SH2D4B: variants seen among roughly 807,000 people sequenced by gnomAD.
SH2D4B encodes the protein SH2 domain containing 4B, also known as SH2 domain-containing protein 4B.
A neutral mutation model predicts 61.5 loss-of-function variants in SH2D4B; 45 were observed. That is an observed-to-expected ratio of 0.73 (90% CI 0.58 to 0.94). The LOEUF is 0.94. Among genes scored for constraint, SH2D4B ranks in the 40% least tolerant of loss-of-function variants. SH2D4B has a pLI of 0.00. For missense variants in SH2D4B, 572 were observed against 574.2 expected (o/e 1.00, Z 0.04); for synonymous variants, 224 against 220.4 (o/e 1.02, Z -0.14).
intron 4 of SH2D4B, among the ~76,000 whole-genome samples, chr10:80,599,812 T>G (rs1842430235): frequency 6.6e-6 from 1 of 152,198 alleles, no homozygotes; most frequent in Non-Finnish European, 1.5e-5. Context: ...ACAAAAGGCC[T>G]GTGTGATACC....
At chr10:80,604,108 C>G (rs1175988060) in intron 5 of SH2D4B, among the ~76,000 whole-genome samples, 1 of 152,184 alleles carries the variant, frequency 6.6e-6, no homozygotes, top group African/African-American at 2.4e-5. Flanking sequence ...TGTTTGCATA[C>G]AATTTGAGAC....
At chr10:80,578,954 A>G (rs1310095117) in intron 3 of SH2D4B, among the ~76,000 whole-genome samples, 3 of 152,226 alleles carry the variant, frequency 2.0e-5, no homozygotes, top group African/African-American at 7.2e-5. Context: ...GAGCAAAGAC[A>G]TCCAAGTCCC....
intron 3 of SH2D4B, among the ~76,000 whole-genome samples, chr10:80,572,073 G>A (rs1408459731): frequency 6.6e-6 from 1 of 151,906 alleles, no homozygotes; most frequent in Non-Finnish European, 1.5e-5. Context: ...CGCCCGGCCG[G>A]GCCAATCCAC....
intron 4 of SH2D4B, among the ~76,000 whole-genome samples, 171 bp downstream of exon 4, chr10:80,588,948 C>G (rs1842293546): frequency 6.6e-6 from 1 of 152,122 alleles, no homozygotes; most frequent in African/African-American, 2.4e-5. Context: ...GTAAGTTAGG[C>G]TTCATCCTTG....
rs546220404 is a variant in SH2D4B, at chr10:80,594,298, T to A, written c.643+5521T>A. Among the ~76,000 whole-genome samples the A allele has an allele frequency of 2.6e-5, 4 of 152,350 alleles. No homozygotes were observed. The South Asian group carries it at 6.2e-4, about 24-fold the overall frequency. Reference sequence around the variant, plus strand: ...ACGTGGTGCATTCCATGGCTGAGTTTCATATACTGAGCTAGTCTCACATTC... The same window carrying A: ...ACGTGGTGCATTCCATGGCTGAGTTACATATACTGAGCTAGTCTCACATTC... On this transcript the variant is annotated intron_variant, in intron 4 of 7. Coordinates refer to ENST00000646907, the MANE Select transcript of SH2D4B (RefSeq NM_001388272.1).
intron 6 of SH2D4B, among the ~76,000 whole-genome samples, chr10:80,622,816 T>C (rs879938976): frequency 2.0e-5 from 3 of 152,254 alleles, no homozygotes; most frequent in African/African-American, 4.8e-5. Flanking sequence ...ATGAAGGTCT[T>C]GTGTTAGTGG....
At position 80,565,865 on chromosome 10, in the gene SH2D4B, C is replaced by T. The variant is rs367656326; in HGVS notation, c.185-4289C>T. On this transcript the variant is annotated intron_variant, in intron 1 of 7. Transcript: ENST00000646907. The stretch of plus-strand genomic sequence containing the variant: ...CAGCACTTTGGGAGGCCGAGGCGGG[C>T]GGATCACGAGGTCAGGAGATCAAGA... Among the ~76,000 whole-genome samples the T allele has an allele frequency of 1.3e-3, 201 of 151,764 alleles. 1 individual carries two copies. In the East Asian group the frequency reaches 0.029, roughly 22 times the overall value.
At chr10:80,575,442 A>C (rs1842113727) in intron 3 of SH2D4B, among the ~76,000 whole-genome samples, 1 of 152,060 alleles carries the variant, frequency 6.6e-6, no homozygotes, top group African/African-American at 2.4e-5. Flanking sequence ...CTGTAGCACA[A>C]TAGCAGCTAC....
chr10:80,586,893 G>A (rs1842258728), intron 3 of SH2D4B, among the ~76,000 whole-genome samples: 1 of 151,992 alleles, frequency 6.6e-6, no homozygotes, highest in Admixed American at 6.6e-5. Flanking sequence ...CGGGAGGAAC[G>A]AGCAACTCCA....
chr10:80,555,024 A>G (rs1841812648), intron 1 of SH2D4B, among the ~76,000 whole-genome samples: 1 of 151,644 alleles, frequency 6.6e-6, no homozygotes, highest in Admixed American at 6.6e-5. Flanking sequence ...AAAAAAAAAA[A>G]AAATCCATGA....
chr10:80,599,499 CT>C (rs751259637), intron 4 of SH2D4B, among the ~76,000 whole-genome samples: 1 of 152,146 alleles, frequency 6.6e-6, no homozygotes, highest in Non-Finnish European at 1.5e-5. Flanking sequence ...TCCCTGGGGG[CT>C]TTATGGTTCC....
chr10:80,628,173 G>A (rs1842784626), intron 6 of SH2D4B, among the ~76,000 whole-genome samples: 1 of 152,154 alleles, frequency 6.6e-6, no homozygotes, highest in African/African-American at 2.4e-5. Flanking sequence ...CAATCCAGGG[G>A]GAGAGAGAGA....
At chr10:80,550,364 T>C (rs1841742209) in intron 1 of SH2D4B, among the ~76,000 whole-genome samples, 1 of 151,954 alleles carries the variant, frequency 6.6e-6, no homozygotes, top group Non-Finnish European at 1.5e-5. Flanking sequence ...GAGGCTGAGG[T>C]GGGCGGATCA....
intron 4 of SH2D4B, among the ~76,000 whole-genome samples, chr10:80,593,072 C>T (rs1227879565): frequency 6.6e-6 from 1 of 152,082 alleles, no homozygotes; most frequent in Non-Finnish European, 1.5e-5. Context: ...TTTCTTATGC[C>T]AGTATGACAT....
rs544985019 is a variant in SH2D4B, at chr10:80,540,336, C to T, written c.184+1821C>T. On this transcript the variant is annotated intron_variant, in intron 1 of 7. Coordinates refer to ENST00000646907, the MANE Select transcript of SH2D4B (RefSeq NM_001388272.1). Reference sequence around the variant, plus strand: ...CTGGGGGCTGGCCCTGCCCAGGAGCCGGAAGAGCTTTCGGCCGGAGGGTCC... The same window carrying T: ...CTGGGGGCTGGCCCTGCCCAGGAGCTGGAAGAGCTTTCGGCCGGAGGGTCC... Among the ~76,000 whole-genome samples the T allele has an allele frequency of 7.9e-5, 12 of 152,244 alleles. No individual in the cohort carries two copies. In the South Asian group the frequency reaches 1.5e-3, roughly 18 times the overall value.
At chr10:80,592,561 G>T (rs942465256) in intron 4 of SH2D4B, among the ~76,000 whole-genome samples, 1 of 152,082 alleles carries the variant, frequency 6.6e-6, no homozygotes, top group Non-Finnish European at 1.5e-5. Flanking sequence ...TGTGAGGTAG[G>T]GTTCCTACTT....
intron 6 of SH2D4B, among the ~76,000 whole-genome samples, chr10:80,631,500 T>A (rs1842833893): frequency 6.6e-6 from 1 of 152,194 alleles, no homozygotes; most frequent in East Asian, 1.9e-4. Flanking sequence ...CCTCCCACCT[T>A]GGCCTACTAA....
At chr10:80,628,252 G>A (rs1416779005) in intron 6 of SH2D4B, among the ~76,000 whole-genome samples, 1 of 151,720 alleles carries the variant, frequency 6.6e-6, no homozygotes, top group African/African-American at 2.4e-5. Flanking sequence ...TGTTCGGGAG[G>A]GACCCAGTGG....
intron 3 of SH2D4B, among the ~76,000 whole-genome samples, chr10:80,588,425 G>A (rs1039989423): frequency 3.9e-5 from 6 of 152,166 alleles, no homozygotes; most frequent in Admixed American, 6.5e-5. Context: ...TTTAAGACCA[G>A]AAGTGATAAT....
Sources: gnomAD v4.1 joint callset for allele counts (sites outside exome capture counted in the v4.1 genomes callset) on GRCh38, gnomAD v4.1.1 for gene constraint, MANE v1.5 for transcripts, NCBI Gene and HGNC (gene_info 2026-07-23, HGNC 2026-07-21) for gene names.